RND3: variants seen among roughly 807,000 people sequenced by gnomAD.
RND3 encodes the protein rho-related GTP-binding protein RhoE.
A neutral mutation model predicts 26.5 loss-of-function variants in RND3; 8 were observed. That is an observed-to-expected ratio of 0.30 (90% CI 0.18 to 0.54). The LOEUF (loss-of-function observed/expected upper bound fraction) is 0.54, where lower values mean the gene tolerates loss of function less well. Ranked by LOEUF, RND3 falls within the 20% of genes least tolerant of loss-of-function variation. The pLI is 0.94. For synonymous variants in RND3, 113 were observed against 113.0 expected (o/e 1.00, Z 0.00); for missense variants, 207 against 302.8 (o/e 0.68, Z 2.35).
chr2:150,473,331 A>G (rs982131024), intron 4 of RND3, among the ~76,000 whole-genome samples: 2 of 152,170 alleles, frequency 1.3e-5, no homozygotes, highest in African/African-American at 4.8e-5. Flanking sequence ...TTGGTCTTAG[A>G]AGACAAAAGC....
At position 150,487,472 on chromosome 2, in the gene RND3, A is replaced by ATATATATATATATT. The variant is rs1395547619; in HGVS notation, c.-38-18_-38-17insAATATATATATATA. 1.4e-5 allele frequency: 5 copies of ATATATATATATATT among 344,944 alleles called. No individual in the cohort carries two copies. Among genetic ancestry groups the ATATATATATATATT allele is most frequent in the Non-Finnish European group, 2.0e-5 (5 of 246,098 alleles). 21.4% of individuals were successfully genotyped at this position (344,944 alleles called of 1,614,324 possible). On this transcript the variant is annotated splice_polypyrimidine_tract_variant and intron_variant, in intron 1 of 5. Transcript: ENST00000263895. ...GAATTTTCTCTTAAGAAGAAAAAAA[A>ATATATATATATATT]AAATATATATATATATATATATTTC...
chr2:150,485,538 G>A (rs1230026750), intron 3 of RND3, among the ~76,000 whole-genome samples: 1 of 152,194 alleles, frequency 6.6e-6, no homozygotes, highest in Non-Finnish European at 1.5e-5. Flanking sequence ...GGCTCGGTCC[G>A]CCAGCAACCC....
At chr2:150,487,180 G>A in intron 2 of RND3, 88 bp downstream of exon 2, 1 of 885,322 alleles carries the variant, frequency 1.1e-6, no homozygotes. Context: ...TTTTTTAAGG[G>A]AAAACGGATG....
At chr2:150,477,237 C>T (rs762790435) in intron 3 of RND3, among the ~76,000 whole-genome samples, 1 of 152,068 alleles carries the variant, frequency 6.6e-6, no homozygotes, top group Non-Finnish European at 1.5e-5. Flanking sequence ...ACAAGCAGAC[C>T]TGGTATCTTT....
rs1327563608 is a variant in RND3 at position 150,487,469 on chromosome 2, A to AT, written c.-38-15_-38-14insA. The AT allele has an allele frequency of 9.0e-6, 4 of 444,214 alleles. No individual in the cohort carries two copies. The highest frequency in any genetic ancestry group is 5.3e-5 in the African/African-American group (2 of 37,540). The allele number at this position is 444,214 out of a possible 1,614,324, so 27.5% of individuals were successfully genotyped here. ...CAGGAATTTTCTCTTAAGAAGAAAA[A>AT]AAAAAATATATATATATATATATAT... On this transcript the variant is annotated splice_polypyrimidine_tract_variant and intron_variant, in intron 1 of 5. Coordinates refer to ENST00000263895, the MANE Select transcript of RND3 (RefSeq NM_005168.5).
chr2:150,474,794 C>A (rs1573953583), intron 4 of RND3, 81 bp downstream of exon 4: 3 of 783,616 alleles, frequency 3.8e-6, no homozygotes, highest in East Asian at 2.6e-5. Context: ...TGATTAGAGT[C>A]TTTGAGCTTC....
chr2:150,487,461 G>GAA lies in RND3; in HGVS notation c.-38-8_-38-7dup. ...TCTTGGAACAGGAATTTTCTCTTAA[G>GAA]AAGAAAAAAAAAAATATATATATAT... On this transcript the variant is annotated splice_region_variant and splice_polypyrimidine_tract_variant and intron_variant, in intron 1 of 5. Transcript: ENST00000263895. 2 of 596,490 alleles carry GAA rather than the reference G, an allele frequency of 3.4e-6. No individual in the cohort carries two copies. Among genetic ancestry groups the GAA allele is most frequent in the South Asian group, 8.8e-5 (2 of 22,844 alleles). 36.9% of individuals were successfully genotyped at this position (596,490 alleles called of 1,614,324 possible).
At chr2:150,483,014 T>C (rs1216506489) in intron 3 of RND3, among the ~76,000 whole-genome samples, 4 of 152,062 alleles carry the variant, frequency 2.6e-5, no homozygotes, top group Admixed American at 1.3e-4. Flanking sequence ...GGCCTGTTTA[T>C]AGTGGATGCG....
At chr2:150,487,169 T>C (rs574625151) in intron 2 of RND3, 99 bp downstream of exon 2, 13 of 902,312 alleles carry the variant, frequency 1.4e-5, no homozygotes, top group Middle Eastern at 3.3e-4. Flanking sequence ...TCTTTTTTTT[T>C]TTTTTTAAGG....
At position 150,474,987 on chromosome 2, in the gene RND3, G is replaced by A. The variant is rs1415260717; in HGVS notation, c.239-3C>T. On this transcript the variant is annotated splice_region_variant and splice_polypyrimidine_tract_variant and intron_variant, in intron 3 of 5. Coordinates refer to ENST00000263895, the MANE Select transcript of RND3 (RefSeq NM_005168.5). Reference sequence around the variant, plus strand: ...GACATTGTCATAGTAAGGAGAACCTGAGAAGAAACAAAGACACACAAATTT... The same window carrying A: ...GACATTGTCATAGTAAGGAGAACCTAAGAAGAAACAAAGACACACAAATTT... 1.3e-6 allele frequency: 2 copies of A among 1,585,330 alleles called. No individual in the cohort carries two copies. Among genetic ancestry groups the A allele is most frequent in the Admixed American group, 1.7e-5 (1 of 59,870 alleles).
chr2:150,478,579 C>CAAAAAAAAAAAAAAAAAAAA (rs1229770069), intron 3 of RND3, among the ~76,000 whole-genome samples: 13 of 106,380 alleles, frequency 1.2e-4, no homozygotes, highest in South Asian at 3.4e-4. Flanking sequence ...AGCCAAACGG[C>CAAAAAAAAAAAAAAAAAAAA]AAAAAAAAAA....
intron 3 of RND3, among the ~76,000 whole-genome samples, chr2:150,476,558 GAATT>G (rs1421955205): frequency 6.6e-6 from 1 of 152,196 alleles, no homozygotes; most frequent in Non-Finnish European, 1.5e-5. Flanking sequence ...AATAAATAGA[GAATT>G]AAGTCAGAGC....
chr2:150,478,827 A>G (rs1686217423), intron 3 of RND3, among the ~76,000 whole-genome samples: 1 of 152,120 alleles, frequency 6.6e-6, no homozygotes, highest in Non-Finnish European at 1.5e-5. Context: ...GGCTTGTCAA[A>G]TGAAACTCTT....
chr2:150,487,402 C>G lies in RND3; in HGVS notation c.16G>C (p.Ala6Pro). 6.6e-7 allele frequency: 1 copy of G among 1,521,286 alleles called. No individual in the cohort carries two copies. The highest frequency in any genetic ancestry group is 1.9e-5 in the Admixed American group (1 of 53,640). The allele number at this position is 1,521,286 out of a possible 1,614,324, so 94.2% of individuals were successfully genotyped here. A position where few individuals can be genotyped will look rare whatever the true frequency, so the allele number is the denominator to read the frequency against. Residue 6 changes from alanine to proline, a missense_variant, in exon 2 of 6, where the codon GCC becomes CCC. Ala to Pro is a conservative substitution (Grantham distance 27). Transcript: ENST00000263895. ...GATTTGCTGGATAATTTCTGGCTGG[C>G]TCTTCTCTCCTTCATTGATGTTGCC... Reference protein sequence around the residue: MKERRASQKLSSKSIM... With the variant: MKERRPSQKLSSKSIM...
intron 3 of RND3, among the ~76,000 whole-genome samples, chr2:150,482,642 G>C (rs1437047954): frequency 6.6e-6 from 1 of 151,192 alleles, no homozygotes; most frequent in Non-Finnish European, 1.5e-5. Flanking sequence ...ACTTTTGTTG[G>C]GGGGGCTGGA....
Position 150,486,884 on chromosome 2 carries a change from TAAGA to T in RND3, c.151-107_151-104del. On this transcript the variant is annotated intron_variant, in intron 2 of 5. Transcript: ENST00000263895. This position sits in a 1 kb window ranked among gnomAD's most constrained non-coding sequence, Gnocchi z 4.5. ...ACCCTTCCCCTCCCCGCTCCCCAGT[TAAGA>T]AAGAAAACCTTCACACATCAGACCA... The T allele has an allele frequency of 1.2e-6, 1 of 864,112 alleles. No individual in the cohort carries two copies. Among genetic ancestry groups the T allele is most frequent in the Admixed American group, 1.7e-5 (1 of 58,416 alleles). 53.5% of individuals were successfully genotyped at this position (864,112 alleles called of 1,614,324 possible).
intron 3 of RND3, among the ~76,000 whole-genome samples, chr2:150,478,400 C>A (rs1686209049): frequency 6.7e-6 from 1 of 149,280 alleles, no homozygotes. Flanking sequence ...ACAACGCATG[C>A]CAAAAAAAAA....
chr2:150,470,061 G>A lies in RND3; in HGVS notation c.661C>T (p.Pro221Ser). The change falls in exon 6 of 6, where the codon CCT becomes TCT. Residue 221 changes from proline to serine, a missense_variant. By Grantham distance (74) the Pro-to-Ser change is moderately conservative. Coordinates refer to ENST00000263895, the MANE Select transcript of RND3 (RefSeq NM_005168.5). Reference protein sequence around the residue: ...QRATKRISHMPSRPELSAVAT... With the variant: ...QRATKRISHMSSRPELSAVAT... ...ACTGCCGAGAGTTCTGGTCTGCTAG[G>A]CATGTGTGAAATCCGCTTTGTGGCT... 1.9e-6 allele frequency: 3 copies of A among 1,614,058 alleles called. No homozygotes were observed. Among genetic ancestry groups the A allele is most frequent in the Non-Finnish European group, 2.5e-6 (3 of 1,179,952 alleles).
chr2:150,471,817 A>C, intron 4 of RND3, 56 bp from the exon 5 acceptor site: 46 of 1,425,182 alleles, frequency 3.2e-5, no homozygotes, highest in Non-Finnish European at 4.3e-5. Context: ...TATCCATATC[A>C]TGAAAACCAT....
Sources: allele counts gnomAD v4.1 joint callset (sites outside exome capture counted in the v4.1 genomes callset), GRCh38; gene constraint gnomAD v4.1.1; non-coding constraint Gnocchi (gnomAD v3.1); transcripts MANE v1.5; gene names NCBI Gene and HGNC (gene_info 2026-07-23, HGNC 2026-07-21).